The following GLIS1 variants were observed in gnomAD, a reference collection of about 807,000 sequenced individuals.
GLIS1 encodes the protein zinc finger protein GLIS1.
A neutral mutation model predicts 63.8 loss-of-function variants in GLIS1; 24 were observed. That is an observed-to-expected ratio of 0.38 (90% CI 0.27 to 0.53). The LOEUF is 0.53. GLIS1 is among the 20% of genes least tolerant of loss of function. The pLI is 0.85. For missense variants in GLIS1, 1,036 were observed against 1,074.1 expected (o/e 0.96, Z 0.50); for synonymous variants, 450 against 482.5 (o/e 0.93, Z 0.88).
Position 53,574,816 on chromosome 1 carries a change from G to A in GLIS1, c.1320+19292C>T, listed in dbSNP as rs185919496. 3.5e-3 allele frequency among the ~76,000 whole-genome samples: 539 copies of A among 152,324 alleles called. 6 individuals carry two copies. The highest frequency in any genetic ancestry group is 0.012 in the African/African-American group (515 of 41,554). On this transcript the variant is annotated intron_variant, in intron 4 of 10. Coordinates refer to ENST00000628545, the MANE Select transcript of GLIS1 (RefSeq NM_001367484.1). The surrounding 1 kb of genome is among the most constrained non-coding windows in gnomAD (Gnocchi z 4.2). Reference sequence around the variant, plus strand: ...TGAATGTGGTAAAAAGCTGGGGCAGGAGGGCTGAGTTTAGTCAAGGTTTGG... The same window carrying A: ...TGAATGTGGTAAAAAGCTGGGGCAGAAGGGCTGAGTTTAGTCAAGGTTTGG...
intron 4 of GLIS1, among the ~76,000 whole-genome samples, chr1:53,577,103 C>T (rs1318424145): frequency 2.0e-5 from 3 of 151,540 alleles, no homozygotes; most frequent in Non-Finnish European, 4.4e-5. Flanking sequence ...CTCTAGCCCC[C>T]CATCTCACAG....
chr1:53,567,859 C>G (rs1644948655), intron 4 of GLIS1, among the ~76,000 whole-genome samples: 1 of 152,222 alleles, frequency 6.6e-6, no homozygotes, highest in Non-Finnish European at 1.5e-5. Flanking sequence ...TCCTAGATTT[C>G]AAAGGACGTA....
intron 4 of GLIS1, among the ~76,000 whole-genome samples, chr1:53,587,640 C>T (rs1645148878): frequency 1.3e-5 from 2 of 152,198 alleles, no homozygotes; most frequent in South Asian, 4.1e-4. Context: ...AACAAAGAAC[C>T]CATCAAGTCA....
At position 53,514,743 on chromosome 1, in the gene GLIS1, C is replaced by G; in HGVS notation, c.1765G>C (p.Ala589Pro). 6.2e-7 allele frequency: 1 copy of G among 1,609,212 alleles called. No individual in the cohort carries two copies. The highest frequency in any genetic ancestry group is 8.5e-7 in the Non-Finnish European group (1 of 1,177,772). The change falls in exon 8 of 11, where the codon GCA (alanine) becomes CCA (proline). Residue 589 changes from alanine to proline, a missense_variant. Coordinates refer to ENST00000628545, the MANE Select transcript of GLIS1 (RefSeq NM_001367484.1). ...TGCGCTGGGGGCAGGAGGCCCGATG[C>G]AAGTCCGTTATGGGGGGTGATGGAG... Reference protein sequence around the residue: ...PGSITPHNGLASGLLPPAHDV... With the variant: ...PGSITPHNGLPSGLLPPAHDV...
chr1:53,547,883 C>T (rs1008122707), intron 4 of GLIS1, among the ~76,000 whole-genome samples: 3 of 152,324 alleles, frequency 2.0e-5, no homozygotes, highest in South Asian at 2.1e-4. Context: ...CAGCCAAACA[C>T]GGCCCAGTGG....
intron 2 of GLIS1, among the ~76,000 whole-genome samples, chr1:53,664,420 C>A (rs1286613835): frequency 6.6e-6 from 1 of 152,250 alleles, no homozygotes; most frequent in African/African-American, 2.4e-5. Flanking sequence ...CATATGAATT[C>A]TCTGAATTTG....
chr1:53,594,090 CGGCCGGT>C lies in GLIS1; in HGVS notation c.1320+11_1320+17del, dbSNP rs550452713. On this transcript the variant is annotated intron_variant, in intron 4 of 10. Transcript: ENST00000628545. ...CCAGAGGGGCTGGGGTGAGGCCTGG[CGGCCGGT>C]GGGAACTCACCATGCACTTGTTGGG... is the stretch of plus-strand genomic sequence containing the variant. 8.5e-5 allele frequency: 134 copies of C among 1,584,954 alleles called. No homozygotes were observed. The highest frequency in any genetic ancestry group is 4.1e-4 in the Admixed American group (24 of 58,572).
At chr1:53,606,872 T>C (rs1384442854) in intron 2 of GLIS1, among the ~76,000 whole-genome samples, 3 of 152,142 alleles carry the variant, frequency 2.0e-5, no homozygotes, top group African/African-American at 7.2e-5. Flanking sequence ...AAAGCTAAGC[T>C]AGACTTACGG....
chr1:53,506,356 C>A lies in GLIS1; in HGVS notation c.*263G>T. The A allele has an allele frequency of 4.1e-6, 2 of 483,274 alleles. No homozygotes were observed. The highest frequency in any genetic ancestry group is 1.9e-5 in the African/African-American group (1 of 52,352). 29.9% of individuals were successfully genotyped at this position (483,274 alleles called of 1,614,324 possible). A position where few individuals can be genotyped will look rare whatever the true frequency, so the allele number is the denominator to read the frequency against. ...GAGGTCTGTGATTTCAAAACCACTG[C>A]GGGGAGGAACGGGAAGACAAGATCG... On this transcript the variant is annotated 3_prime_UTR_variant, in exon 11 of 11. Transcript: ENST00000628545.
chr1:53,712,427 A>T (rs1646656063), intron 2 of GLIS1, among the ~76,000 whole-genome samples: 2 of 152,180 alleles, frequency 1.3e-5, no homozygotes, highest in African/African-American at 4.8e-5. Flanking sequence ...GGGCTTCCTC[A>T]TCATTCAAAG....
chr1:53,542,021 C>T (rs1003309558), intron 4 of GLIS1, among the ~76,000 whole-genome samples: 2 of 152,248 alleles, frequency 1.3e-5, no homozygotes, highest in African/African-American at 4.8e-5. Context: ...GGCTCAGAGG[C>T]CTCTGTTCAA....
At chr1:53,588,465 GT>G (rs1200429424) in intron 4 of GLIS1, among the ~76,000 whole-genome samples, 1 of 152,144 alleles carries the variant, frequency 6.6e-6, no homozygotes, top group Non-Finnish European at 1.5e-5. Flanking sequence ...ATGCATACTT[GT>G]TGTGCAGTCC....
At chr1:53,726,581 T>C (rs889602601) in intron 2 of GLIS1, among the ~76,000 whole-genome samples, 1 of 152,018 alleles carries the variant, frequency 6.6e-6, no homozygotes, top group African/African-American at 2.4e-5. Flanking sequence ...GGTGGGGGTG[T>C]GCCTCCAGAC....
rs796081197 is a variant in GLIS1 at position 53,697,161 on chromosome 1, T to A, written c.259+40645A>T. Among the ~76,000 whole-genome samples, 3 of 152,124 alleles carry A rather than the reference T, an allele frequency of 2.0e-5. No homozygotes were observed. In the South Asian group the frequency reaches 6.2e-4, roughly 32 times the overall value. ...CATTGTCTGGATAGTGGGAAGACGG[T>A]CACAGCAACAAACCCCAAGAATGAC... On this transcript the variant is annotated intron_variant, in intron 2 of 10. Transcript: ENST00000628545.
chr1:53,633,215 G>A (rs1645685420), intron 2 of GLIS1, among the ~76,000 whole-genome samples: 4 of 149,428 alleles, frequency 2.7e-5, no homozygotes, highest in Admixed American at 2.0e-4. Context: ...ACTGAGGAGT[G>A]TGAATGAGTG....
rs1644267312 is a variant in GLIS1 at position 53,509,035 on chromosome 1, TGCAGGACA to T, written c.2230+77_2230+84del. On this transcript the variant is annotated intron_variant, in intron 10 of 10. Coordinates refer to ENST00000628545, the MANE Select transcript of GLIS1 (RefSeq NM_001367484.1). ...CCCCACCACATAAGCATCCAAAGGC[TGCAGGACA>T]GCACGTATGCAGCACCCAGCACTGG... The T allele has an allele frequency of 3.7e-6, 5 of 1,351,032 alleles. No individual in the cohort carries two copies. In the Admixed American group the frequency reaches 1.2e-4, roughly 32 times the overall value. 83.7% of individuals were successfully genotyped at this position (1,351,032 alleles called of 1,614,324 possible).
At chr1:53,644,353 T>G (rs1645819634) in intron 2 of GLIS1, among the ~76,000 whole-genome samples, 1 of 152,272 alleles carries the variant, frequency 6.6e-6, no homozygotes, top group East Asian at 1.9e-4. Context: ...TTTTCTTCAT[T>G]AAACAAATAT....
At chr1:53,530,022 C>T in intron 4 of GLIS1, 70 bp from the exon 5 acceptor site, 2 of 1,460,536 alleles carry the variant, frequency 1.4e-6, no homozygotes, top group Middle Eastern at 1.9e-4. Context: ...AAACTAACCC[C>T]CCAGGCCTGC....
chr1:53,542,180 C>T (rs1644649919), intron 4 of GLIS1, among the ~76,000 whole-genome samples: 1 of 152,246 alleles, frequency 6.6e-6, no homozygotes, highest in South Asian at 2.1e-4. Flanking sequence ...ATCCCCTTCC[C>T]TGATGGGCCT....
Sources: gnomAD v4.1 joint callset for allele counts (sites outside exome capture counted in the v4.1 genomes callset) on GRCh38, gnomAD v4.1.1 for gene constraint, Gnocchi (gnomAD v3.1) non-coding constraint, MANE v1.5 for transcripts, NCBI Gene and HGNC (gene_info 2026-07-23, HGNC 2026-07-21) for gene names.